The following PARD3B variants were observed in gnomAD, a reference collection of about 807,000 sequenced individuals.
PARD3B encodes the protein par-3 family cell polarity regulator beta.
In PARD3B, 103 loss-of-function variants were observed where a neutral mutation model predicts 130.2. The ratio of observed to expected loss-of-function variants is 0.79; its 90% CI spans 0.67 to 0.93. The LOEUF (loss-of-function observed/expected upper bound fraction) is 0.93. Among genes scored for constraint, PARD3B ranks in the 40% least tolerant of loss-of-function variants. PARD3B has a pLI of 0.00. For missense variants in PARD3B, 1,609 were observed against 1,499.2 expected (o/e 1.07, Z -1.21); for synonymous variants, 583 against 553.2 (o/e 1.05, Z -0.76).
chr2:205,023,537 AC>A (rs1696787900), intron 3 of PARD3B, among the ~76,000 whole-genome samples: 1 of 42,942 alleles, frequency 2.3e-5, no homozygotes. Context: ...GTACCCCCCC[AC>A]CCCCCGCCAA....
At chr2:204,787,376 G>C (rs2042049328) in intron 2 of PARD3B, among the ~76,000 whole-genome samples, 1 of 152,096 alleles carries the variant, frequency 6.6e-6, no homozygotes, top group South Asian at 2.1e-4. Flanking sequence ...CAGGTGTGAA[G>C]GTAGGAATGT....
chr2:205,455,257 T>A (rs1575066931), intron 20 of PARD3B, among the ~76,000 whole-genome samples: 1 of 152,212 alleles, frequency 6.6e-6, no homozygotes, highest in Non-Finnish European at 1.5e-5. Flanking sequence ...TTACAAGGAT[T>A]TGCATTAATC....
chr2:204,851,381 A>G (rs1376004808), intron 2 of PARD3B, among the ~76,000 whole-genome samples: 1 of 152,156 alleles, frequency 6.6e-6, no homozygotes, highest in African/African-American at 2.4e-5. Context: ...AAGGCTTCTG[A>G]TTTAATAGAA....
intron 1 of PARD3B, among the ~76,000 whole-genome samples, chr2:204,582,861 T>C (rs1401067043): frequency 1.3e-5 from 2 of 152,212 alleles, no homozygotes; most frequent in Non-Finnish European, 2.9e-5. Flanking sequence ...TGGTTTTGAT[T>C]TGCATTTCTC....
intron 2 of PARD3B, among the ~76,000 whole-genome samples, chr2:204,927,258 G>C (rs971235366): frequency 6.6e-6 from 1 of 152,042 alleles, no homozygotes; most frequent in African/African-American, 2.4e-5. Context: ...AGTATTAAGA[G>C]GTAGGGCCTG....
chr2:204,763,728 A>G (rs183180049), intron 2 of PARD3B, among the ~76,000 whole-genome samples: 1 of 152,204 alleles, frequency 6.6e-6, no homozygotes, highest in African/African-American at 2.4e-5. Flanking sequence ...AGCACTATCA[A>G]GGATAATTCT....
intron 16 of PARD3B, among the ~76,000 whole-genome samples, chr2:205,250,924 A>G (rs577457823): frequency 6.7e-4 from 102 of 152,166 alleles, no homozygotes; most frequent in African/African-American, 2.3e-3. Flanking sequence ...GCAAGACTCC[A>G]TCTCAAAAAA....
In PARD3B at chr2:205,005,162, C is replaced by G. The variant is rs182440256; in HGVS notation, c.394+39839C>G. ...TCCCCTTTGCTCCCTCTTCTCCTCT[C>G]TAGTATACACACACACACATATACA... On this transcript the variant is annotated intron_variant, in intron 3 of 22. Coordinates refer to ENST00000406610, the MANE Select transcript of PARD3B (RefSeq NM_001302769.2). Among the ~76,000 whole-genome samples the G allele has an allele frequency of 4.5e-3, 685 of 152,184 alleles. 2 individuals are homozygous for G. The highest frequency in any genetic ancestry group is 0.013 in the African/African-American group (552 of 41,496).
chr2:205,085,185 T>C (rs1263814979), intron 4 of PARD3B, among the ~76,000 whole-genome samples: 1 of 152,098 alleles, frequency 6.6e-6, no homozygotes, highest in South Asian at 2.1e-4. Flanking sequence ...TTTTTCTTTA[T>C]GTAATTAATG....
intron 2 of PARD3B, among the ~76,000 whole-genome samples, chr2:204,934,208 G>A (rs1179519066): frequency 6.6e-6 from 1 of 152,160 alleles, no homozygotes; most frequent in Non-Finnish European, 1.5e-5. Context: ...CTGTCATGCT[G>A]TTAATTACTT....
chr2:204,949,260 C>T (rs775732169), intron 2 of PARD3B, among the ~76,000 whole-genome samples: 12 of 152,060 alleles, frequency 7.9e-5, no homozygotes, highest in Non-Finnish European at 1.5e-4. Flanking sequence ...ATCTTTTTTT[C>T]TCCTCTTTCA....
chr2:205,502,497 G>T (rs534608499), intron 21 of PARD3B, among the ~76,000 whole-genome samples: 1 of 152,068 alleles, frequency 6.6e-6, no homozygotes, highest in South Asian at 2.1e-4. Context: ...ACACGAAAGC[G>T]GTCCAACTTC....
intron 3 of PARD3B, among the ~76,000 whole-genome samples, chr2:204,981,876 A>G (rs1192373961): frequency 6.6e-6 from 1 of 152,162 alleles, no homozygotes; most frequent in Non-Finnish European, 1.5e-5. Context: ...CAGATTGGTT[A>G]GAGGAGAGAG....
rs115267946 is a variant in PARD3B, at chr2:205,010,714, T to C, written c.395-36867T>C. On this transcript the variant is annotated intron_variant, in intron 3 of 22. Coordinates refer to ENST00000406610, the MANE Select transcript of PARD3B (RefSeq NM_001302769.2). Reference sequence around the variant, plus strand: ...TTGAGAAGTATGCTTCTATTCTCTTTTTACATTCCAGACATGGATTTTTTT... The same window carrying C: ...TTGAGAAGTATGCTTCTATTCTCTTCTTACATTCCAGACATGGATTTTTTT... Among the ~76,000 whole-genome samples the C allele has an allele frequency of 3.1e-3, 472 of 152,342 alleles. 4 individuals carry two copies. The highest frequency in any genetic ancestry group is 0.01 in the African/African-American group (434 of 41,578).
chr2:205,046,582 A>G (rs1410719343), intron 3 of PARD3B, among the ~76,000 whole-genome samples: 2 of 152,064 alleles, frequency 1.3e-5, no homozygotes, highest in East Asian at 1.9e-4. Context: ...TAAAGCACAC[A>G]TAAAAACCAG....
rs2054335625 is a variant in PARD3B at position 205,590,212 on chromosome 2, A to G, written c.3261-25244A>G. Among the ~76,000 whole-genome samples the G allele has an allele frequency of 6.6e-6, 1 of 152,244 alleles. No individual in the cohort carries two copies. Among genetic ancestry groups the G allele is most frequent in the African/African-American group, 2.4e-5 (1 of 41,468 alleles). On this transcript the variant is annotated intron_variant, in intron 22 of 22. Transcript: ENST00000406610. This position sits in a 1 kb window ranked among gnomAD's most constrained non-coding sequence, Gnocchi z 4.1. ...TAGATGTAACTGAATTGAAAAGTCC[A>G]AGGACAGACTTATCTTCAGGTTCAG...
intron 3 of PARD3B, among the ~76,000 whole-genome samples, chr2:205,019,012 T>C (rs1018182933): frequency 2.6e-5 from 4 of 152,168 alleles, no homozygotes; most frequent in African/African-American, 9.7e-5. Context: ...GTTCACCTAC[T>C]TAAGGTATAC....
In PARD3B at chr2:205,265,568, C is replaced by T. The variant is rs149100085; in HGVS notation, c.2185+19746C>T. On this transcript the variant is annotated intron_variant, in intron 16 of 22. Coordinates refer to ENST00000406610, the MANE Select transcript of PARD3B (RefSeq NM_001302769.2). This position sits in a 1 kb window ranked among gnomAD's most constrained non-coding sequence, Gnocchi z 4.3. The stretch of plus-strand genomic sequence containing the variant: ...AAAGTAGAAATTGCTGCTGATATAC[C>T]GAGACTTCACCGAAGAGATGTTCAG... Among the ~76,000 whole-genome samples, 868 of 151,628 alleles carry T rather than the reference C, an allele frequency of 5.7e-3. 3 individuals carry two copies. The highest frequency in any genetic ancestry group is 0.018 in the African/African-American group (732 of 41,350).
intron 18 of PARD3B, among the ~76,000 whole-genome samples, chr2:205,315,176 A>G (rs1357380715): frequency 6.6e-6 from 1 of 152,218 alleles, no homozygotes; most frequent in African/African-American, 2.4e-5. Flanking sequence ...AATGTAACGT[A>G]GTAGCAAAGA....
Sources: allele counts gnomAD v4.1 joint callset (sites outside exome capture counted in the v4.1 genomes callset), GRCh38; gene constraint gnomAD v4.1.1; non-coding constraint Gnocchi (gnomAD v3.1); transcripts MANE v1.5; gene names NCBI Gene and HGNC (gene_info 2026-07-23, HGNC 2026-07-21).